Variants in LRRC3B observed in about 807,000 individuals in gnomAD.
The protein encoded by LRRC3B is leucine-rich repeat-containing protein 3B.
Under a neutral mutation model 12.8 loss-of-function variants are expected in LRRC3B, and 2 were observed. The observed-to-expected ratio is 0.16, with a 90% CI of 0.06 to 0.49. LRRC3B has a LOEUF of 0.49. Among genes scored for constraint, LRRC3B ranks in the 20% least tolerant of loss-of-function variants. The pLI is 0.96. For synonymous variants in LRRC3B, 132 were observed against 122.0 expected (o/e 1.08, Z -0.54); for missense variants, 189 against 319.4 (o/e 0.59, Z 3.11).
exon 2 of LRRC3B, chr3:26,710,043 G>A (rs1433291714): frequency 4.3e-6 from 7 of 1,613,988 alleles, no homozygotes; most frequent in East Asian, 2.2e-5. Context: ...TCCGACAATC[G>A]GATTCAAAGT....
exon 2 of LRRC3B, chr3:26,710,023 T>G: frequency 6.2e-7 from 1 of 1,614,122 alleles, no homozygotes; most frequent in African/African-American, 1.3e-5. Context: ...CCTTGCAGAC[T>G]CTGGACTTGT....
intron 1 of LRRC3B, among the ~76,000 whole-genome samples, chr3:26,631,464 G>A (rs1698755307): frequency 6.6e-6 from 1 of 152,174 alleles, no homozygotes; most frequent in African/African-American, 2.4e-5. Flanking sequence ...CATGGGAAAA[G>A]GTCAGGATCT....
chr3:26,694,104 A>T (rs1322422358), intron 1 of LRRC3B, among the ~76,000 whole-genome samples: 1 of 152,232 alleles, frequency 6.6e-6, no homozygotes. Flanking sequence ...CTCATTTGCA[A>T]AACCTGTCAC....
At chr3:26,666,272 G>A (rs1036021125) in intron 1 of LRRC3B, among the ~76,000 whole-genome samples, 2 of 152,086 alleles carry the variant, frequency 1.3e-5, no homozygotes, top group Non-Finnish European at 2.9e-5. Flanking sequence ...ATTATTAATA[G>A]TGGAGAAGAA....
At chr3:26,626,831 G>T (rs985310245) in intron 1 of LRRC3B, among the ~76,000 whole-genome samples, 1 of 152,118 alleles carries the variant, frequency 6.6e-6, no homozygotes, top group Non-Finnish European at 1.5e-5. Context: ...TTCTAAATAA[G>T]ATTAAATGAT....
intron 1 of LRRC3B, among the ~76,000 whole-genome samples, chr3:26,707,886 T>G (rs1700641757): frequency 6.6e-6 from 1 of 152,182 alleles, no homozygotes. Flanking sequence ...TGAAATGATC[T>G]GTTGATGGAG....
intron 1 of LRRC3B, among the ~76,000 whole-genome samples, chr3:26,681,209 G>A (rs528458682): frequency 2.5e-4 from 38 of 152,226 alleles, no homozygotes; most frequent in African/African-American, 6.7e-4. Context: ...TTAACAATGC[G>A]AATCCTTTGG....
intron 1 of LRRC3B, among the ~76,000 whole-genome samples, chr3:26,700,820 T>C (rs138140531): frequency 6.6e-6 from 1 of 152,334 alleles, no homozygotes; most frequent in African/African-American, 2.4e-5. Flanking sequence ...GTCATTTAGC[T>C]GTAGTTACCA....
chr3:26,659,755 T>C (rs946248918), intron 1 of LRRC3B, among the ~76,000 whole-genome samples: 2 of 152,202 alleles, frequency 1.3e-5, no homozygotes, highest in African/African-American at 4.8e-5. Context: ...CTACAGAGGC[T>C]AAAAACCAAT....
At chr3:26,675,459 C>T (rs951987675) in intron 1 of LRRC3B, among the ~76,000 whole-genome samples, 4 of 152,152 alleles carry the variant, frequency 2.6e-5, no homozygotes, top group African/African-American at 9.7e-5. Flanking sequence ...GTAGGAAAAG[C>T]GGTTGGTGGC....
intron 1 of LRRC3B, among the ~76,000 whole-genome samples, chr3:26,687,633 T>G (rs1487990397): frequency 6.6e-6 from 1 of 152,186 alleles, no homozygotes; most frequent in Non-Finnish European, 1.5e-5. Context: ...GGTACAAGAA[T>G]AGCAAGGAGA....
intron 1 of LRRC3B, among the ~76,000 whole-genome samples, chr3:26,655,753 C>T (rs1559356690): frequency 6.6e-6 from 1 of 152,122 alleles, no homozygotes; most frequent in Non-Finnish European, 1.5e-5. Flanking sequence ...GACAGAAATG[C>T]TCAGTAGTAC....
intron 1 of LRRC3B, among the ~76,000 whole-genome samples, chr3:26,676,660 C>T (rs1249146241): frequency 6.6e-6 from 1 of 152,114 alleles, no homozygotes; most frequent in Non-Finnish European, 1.5e-5. Flanking sequence ...ACTAGTTCAA[C>T]CATTGTGGAA....
chr3:26,710,646 T>C, exon 2 of LRRC3B: 2 of 523,604 alleles, frequency 3.8e-6, no homozygotes, highest in Admixed American at 7.1e-5. Flanking sequence ...ACCCCTTAAT[T>C]GTACCCCCGA....
Position 26,710,082 on chromosome 3 carries a change from A to G in LRRC3B, c.410A>G (p.Lys137Arg), listed in dbSNP as rs969406430. The G allele has an allele frequency of 5.6e-6, 9 of 1,614,046 alleles. No homozygotes were observed. The highest frequency in any genetic ancestry group is 6.8e-6 in the Non-Finnish European group (8 of 1,180,030). Reference sequence around the variant, plus strand: ...CACAAAAATGCCTTCAATAACCTGAAGGCCAGGGCCAGAATTGCCAACAAC... The same window carrying G: ...CACAAAAATGCCTTCAATAACCTGAGGGCCAGGGCCAGAATTGCCAACAAC... Residue 137 changes from lysine (K) to arginine (R), a missense_variant, in exon 2 of 2, where the codon AAG becomes AGG. Lys to Arg is a conservative substitution (Grantham distance 26). Coordinates refer to ENST00000396641, the Ensembl canonical transcript of LRRC3B.
At chr3:26,642,807 A>C (rs1699058564) in intron 1 of LRRC3B, among the ~76,000 whole-genome samples, 1 of 152,160 alleles carries the variant, frequency 6.6e-6, no homozygotes, top group Non-Finnish European at 1.5e-5. Context: ...TCACGAAGTC[A>C]GGAGATCGAG....
At chr3:26,706,384 A>T (rs1164624816) in intron 1 of LRRC3B, among the ~76,000 whole-genome samples, 2 of 152,184 alleles carry the variant, frequency 1.3e-5, no homozygotes, top group African/African-American at 4.8e-5. Flanking sequence ...GCTGGGGGTG[A>T]TGGCTCTAGA....
chr3:26,669,331 G>C (rs1019415786), intron 1 of LRRC3B, among the ~76,000 whole-genome samples: 2 of 152,052 alleles, frequency 1.3e-5, no homozygotes, highest in Non-Finnish European at 1.5e-5. Context: ...TTCTCCTTCA[G>C]TTTTTTCATT....
exon 2 of LRRC3B, chr3:26,709,693 G>T (rs1265424915): frequency 1.7e-5 from 27 of 1,613,972 alleles, no homozygotes; most frequent in Non-Finnish European, 2.3e-5. Flanking sequence ...TAGACCTGTG[G>T]TTAACCCGTT....
Sources: allele counts gnomAD v4.1 joint callset (sites outside exome capture counted in the v4.1 genomes callset), GRCh38; gene constraint gnomAD v4.1.1; transcripts MANE v1.5; gene names NCBI Gene and HGNC (gene_info 2026-07-23, HGNC 2026-07-21).